The following FNTA variants were observed in gnomAD, a reference collection of about 807,000 sequenced individuals.
FNTA encodes protein farnesyltransferase/geranylgeranyltransferase type-1 subunit alpha.
FNTA carries 27 observed loss-of-function variants against 55.2 expected under a neutral mutation model. The ratio of observed to expected loss-of-function variants is 0.49; its 90% CI spans 0.36 to 0.67. The LOEUF is 0.67. FNTA is among the 30% of genes least tolerant of loss of function. The probability of loss-of-function intolerance (pLI) is 0.00; values close to 1 mark genes in which losing one functional copy is unlikely to be tolerated. For synonymous variants in FNTA, 176 were observed against 170.7 expected (o/e 1.03, Z -0.24); for missense variants, 422 against 464.7 (o/e 0.91, Z 0.85).
At chr8:43,077,389 A>T in intron 6 of FNTA, 25 bp downstream of exon 6, 2 of 1,583,992 alleles carry the variant, frequency 1.3e-6, no homozygotes, top group Non-Finnish European at 1.7e-6. Context: ...TCACTTGCTC[A>T]TTCGTTACAA....
At chr8:43,065,482 G>T (rs970891236) in intron 3 of FNTA, among the ~76,000 whole-genome samples, 1 of 151,978 alleles carries the variant, frequency 6.6e-6, no homozygotes, top group Non-Finnish European at 1.5e-5. Flanking sequence ...CCTGACCTCG[G>T]GTGATCCACC....
At chr8:43,060,743 A>G (rs571835132) in intron 2 of FNTA, among the ~76,000 whole-genome samples, 1 of 152,298 alleles carries the variant, frequency 6.6e-6, no homozygotes, top group South Asian at 2.1e-4. Context: ...CCTAAAGGAA[A>G]AGATAAGTTT....
At chr8:43,066,341 CT>C (rs1197183335) in intron 3 of FNTA, among the ~76,000 whole-genome samples, 1 of 150,472 alleles carries the variant, frequency 6.6e-6, no homozygotes, top group Non-Finnish European at 1.5e-5. Flanking sequence ...ACTGCAAGCT[CT>C]GCCTCCTGGG....
intron 6 of FNTA, chr8:43,081,499 G>A (rs150184627): frequency 2.0e-5 from 3 of 152,334 alleles, no homozygotes; most frequent in East Asian, 1.9e-4. Context: ...TTGCCCAAGA[G>A]CACATAATTT....
Position 43,077,204 on chromosome 8 carries a change from T to A in FNTA, c.634-12T>A. Reference sequence around the variant, plus strand: ...TTTCTAATTGGATGATTTTTCTAAATTTTTCCTTTAGGAATTTAAACTTTG... The same window carrying A: ...TTTCTAATTGGATGATTTTTCTAAAATTTTCCTTTAGGAATTTAAACTTTG... On this transcript the variant is annotated splice_polypyrimidine_tract_variant and intron_variant, in intron 5 of 8. Coordinates refer to ENST00000302279, the MANE Select transcript of FNTA (RefSeq NM_002027.3). 2.6e-6 allele frequency: 4 copies of A among 1,555,670 alleles called. No homozygotes were observed. The highest frequency in any genetic ancestry group is 2.6e-6 in the Non-Finnish European group (3 of 1,148,326).
chr8:43,059,603 T>C (rs1810486486), intron 2 of FNTA, among the ~76,000 whole-genome samples: 1 of 152,222 alleles, frequency 6.6e-6, no homozygotes, highest in East Asian at 1.9e-4. Context: ...CATTTATTGA[T>C]ATTAAAATGA....
At position 43,074,261 on chromosome 8, in the gene FNTA, C is replaced by T. The variant is rs561680917; in HGVS notation, c.633+1954C>T. Among the ~76,000 whole-genome samples the T allele has an allele frequency of 6.2e-4, 95 of 152,316 alleles. 3 individuals are homozygous for T. In the South Asian group the frequency reaches 0.018, roughly 30 times the overall value. Reference sequence around the variant, plus strand: ...AAATGAGTCTGGGTACAGTGGCTCACGCCTGTAATCCCAACACTTTGGGAG... The same window carrying T: ...AAATGAGTCTGGGTACAGTGGCTCATGCCTGTAATCCCAACACTTTGGGAG... On this transcript the variant is annotated intron_variant, in intron 5 of 8. Coordinates refer to ENST00000302279, the MANE Select transcript of FNTA (RefSeq NM_002027.3).
intron 1 of FNTA, chr8:43,058,867 G>C (rs1415025864): frequency 2.0e-5 from 8 of 393,256 alleles, no homozygotes. Context: ...CTGTTGATTA[G>C]CTTTTCAGCA....
chr8:43,074,337 A>G (rs1487293765), intron 5 of FNTA, among the ~76,000 whole-genome samples: 1 of 152,210 alleles, frequency 6.6e-6, no homozygotes, highest in Non-Finnish European at 1.5e-5. Context: ...TAGCCTGGCA[A>G]CATGGCAAAA....
chr8:43,059,251 C>T, intron 2 of FNTA, 74 bp downstream of exon 2: 1 of 978,888 alleles, frequency 1.0e-6, no homozygotes, highest in East Asian at 2.8e-5. Flanking sequence ...AACTATGTAG[C>T]AAGATAGATG....
intron 7 of FNTA, among the ~76,000 whole-genome samples, chr8:43,084,060 C>G (rs1483425038): frequency 6.6e-6 from 1 of 151,396 alleles, no homozygotes; most frequent in Admixed American, 6.6e-5. Context: ...CGACAAGAGA[C>G]CCTGTCTCAA....
chr8:43,063,245 T>G (rs1000272992), intron 2 of FNTA: 44 of 455,868 alleles, frequency 9.7e-5, no homozygotes, highest in Non-Finnish European at 1.7e-4. Flanking sequence ...CACGCCCGAT[T>G]AATTTCTATA....
intron 5 of FNTA, among the ~76,000 whole-genome samples, chr8:43,072,884 T>C (rs2130560372): frequency 6.6e-6 from 1 of 152,328 alleles, no homozygotes; most frequent in African/African-American, 2.4e-5. Context: ...AGTAGCATAT[T>C]TTTACTACAG....
chr8:43,073,020 G>A (rs568963274), intron 5 of FNTA, among the ~76,000 whole-genome samples: 27 of 152,018 alleles, frequency 1.8e-4, no homozygotes, highest in African/African-American at 6.3e-4. Flanking sequence ...GCTAAATTCT[G>A]AATAGAATAG....
intron 4 of FNTA, 116 bp from the exon 5 acceptor site, chr8:43,072,065 G>T: frequency 1.5e-6 from 1 of 679,478 alleles, no homozygotes. Context: ...TTAAGAATTA[G>T]AGATGAATTT....
rs1811112466 is a variant in FNTA at position 43,085,571 on chromosome 8, C to T, written c.*289C>T. ...TAATCTAATCCCTTAGCATCAGCTC[C>T]TCCCTCAGTGGTACATGCGTCAAGA... is the stretch of plus-strand genomic sequence containing the variant. On this transcript the variant is annotated 3_prime_UTR_variant, in exon 9 of 9. Coordinates refer to ENST00000302279, the MANE Select transcript of FNTA (RefSeq NM_002027.3). The T allele has an allele frequency of 2.9e-6, 1 of 345,178 alleles. No individual in the cohort carries two copies. Among genetic ancestry groups the T allele is most frequent in the Admixed American group, 5.1e-5 (1 of 19,456 alleles). 21.4% of individuals were successfully genotyped at this position (345,178 alleles called of 1,614,324 possible). A position where few individuals can be genotyped will look rare whatever the true frequency, so the allele number is the denominator to read the frequency against.
chr8:43,062,453 T>A (rs946278943), intron 2 of FNTA, among the ~76,000 whole-genome samples: 4 of 152,044 alleles, frequency 2.6e-5, no homozygotes, highest in Non-Finnish European at 4.4e-5. Flanking sequence ...AGCTAATTTT[T>A]GTATTTTTAG....
chr8:43,077,480 A>G (rs1435494723), intron 6 of FNTA, 116 bp downstream of exon 6: 3 of 684,168 alleles, frequency 4.4e-6, no homozygotes, highest in Non-Finnish European at 7.3e-6. Context: ...AAAAGAGGAC[A>G]GAGTACTGAG....
At chr8:43,084,217 C>CTTTTTTTTTTT (rs965185730) in intron 7 of FNTA, among the ~76,000 whole-genome samples, 12 of 131,548 alleles carry the variant, frequency 9.1e-5, no homozygotes, top group South Asian at 4.8e-4. Context: ...TGTAATTATC[C>CTTTTTTTTTTT]TTTTTTTTTT....
Sources: allele counts gnomAD v4.1 joint callset (sites outside exome capture counted in the v4.1 genomes callset), GRCh38; gene constraint gnomAD v4.1.1; transcripts MANE v1.5; gene names NCBI Gene and HGNC (gene_info 2026-07-23, HGNC 2026-07-21).